Variants in HSF5 observed in about 807,000 individuals in gnomAD.
HSF5 encodes heat shock factor protein 5.
In HSF5, 5 loss-of-function variants were observed where a neutral mutation model predicts 50.8. The ratio of observed to expected loss-of-function variants is 0.10; its 90% CI spans 0.05 to 0.21. The LOEUF is 0.21. Ranked by LOEUF, HSF5 falls within the 10% of genes least tolerant of loss-of-function variation. The pLI is 1.00. For missense variants in HSF5, 564 were observed against 762.6 expected, an observed-to-expected ratio of 0.74 and a Z score of 3.07; for synonymous variants, 307 against 307.4, an observed-to-expected ratio of 1.00 and a Z score of 0.02.
intron 5 of HSF5, among the ~76,000 whole-genome samples, chr17:58,430,298 C>G (rs1974346179): frequency 6.6e-6 from 1 of 152,140 alleles, no homozygotes; most frequent in African/African-American, 2.4e-5. Context: ...TCTTGAACTC[C>G]TGACCTCAGA....
chr17:58,467,544 C>T (rs1974884466), intron 2 of HSF5, among the ~76,000 whole-genome samples: 1 of 152,238 alleles, frequency 6.6e-6, no homozygotes, highest in African/African-American at 2.4e-5. Context: ...CCTGGCTTTA[C>T]AGCCCAGTGT....
In HSF5 at chr17:58,452,087, A is replaced by C. The variant is rs572191320; in HGVS notation, c.1720+6681T>G. The stretch of plus-strand genomic sequence containing the variant: ...CTAGCAAGACCCTGTCTCTACAAAA[A>C]AAAATTTTTAAATTAGCCAAGCATG... On this transcript the variant is annotated intron_variant, in intron 5 of 5. Coordinates refer to ENST00000323777, the MANE Select transcript of HSF5 (RefSeq NM_001080439.3). Among the ~76,000 whole-genome samples the C allele has an allele frequency of 2.6e-5, 4 of 152,008 alleles. No homozygotes were observed. The South Asian group carries it at 8.3e-4, about 32-fold the overall frequency.
chr17:58,487,322 A>G (rs1289849758), intron 1 of HSF5, among the ~76,000 whole-genome samples: 1 of 152,176 alleles, frequency 6.6e-6, no homozygotes, highest in Non-Finnish European at 1.5e-5. Flanking sequence ...TCCAGACCCA[A>G]TGTTTCAACG....
At chr17:58,436,983 G>A (rs537182540) in intron 5 of HSF5, among the ~76,000 whole-genome samples, 5 of 152,074 alleles carry the variant, frequency 3.3e-5, no homozygotes, top group South Asian at 2.1e-4. Context: ...CCATTTTTGC[G>A]GTATTCTAAA....
Position 58,458,935 on chromosome 17 carries a change from T to C in HSF5, c.1553A>G (p.Asn518Ser). 3 of 1,608,882 alleles carry C rather than the reference T, an allele frequency of 1.9e-6. No individual in the cohort carries two copies. The highest frequency in any genetic ancestry group is 4.5e-5 in the East Asian group (2 of 44,856). Residue 518 changes from asparagine to serine, a missense_variant, in exon 5 of 6, where the codon AAC (asparagine) becomes AGC (serine). This residue lies in a region of HSF5 where 441 missense variants were observed against 533.6 expected (regional missense o/e 0.83). Coordinates refer to ENST00000323777, the MANE Select transcript of HSF5 (RefSeq NM_001080439.3). ...PPFSTHQVDA[N>S]IKCQTSSREN... Reference sequence around the variant, plus strand: ...ACGTGAACTGGTCTGGCATTTTATGTTGGCATCCACCTAAAATATTAAACC... The same window carrying C: ...ACGTGAACTGGTCTGGCATTTTATGCTGGCATCCACCTAAAATATTAAACC...
In HSF5 at chr17:58,479,980, G is replaced by C; in HGVS notation, c.838C>G (p.Gln280Glu). 3 of 1,614,150 alleles carry C rather than the reference G, an allele frequency of 1.9e-6. No individual in the cohort carries two copies. The highest frequency in any genetic ancestry group is 2.5e-6 in the Non-Finnish European group (3 of 1,179,994). The change falls in exon 2 of 6, where the codon CAA becomes GAA. Residue 280 changes from glutamine to glutamate, a missense_variant. Gln to Glu is a conservative substitution (Grantham distance 29). This residue lies in a region of HSF5 where 441 missense variants were observed against 533.6 expected (regional missense o/e 0.83). Coordinates refer to ENST00000323777, the MANE Select transcript of HSF5 (RefSeq NM_001080439.3). ...QPSTTSVHVQQGPQTMVSSSQ... is the reference protein window; with the variant it reads ...QPSTTSVHVQEGPQTMVSSSQ... Reference sequence around the variant, plus strand: ...GAGCTGACCATTGTTTGAGGACCTTGTTGAACATGTACAGATGTGGTGCTG... The same window carrying C: ...GAGCTGACCATTGTTTGAGGACCTTCTTGAACATGTACAGATGTGGTGCTG...
At chr17:58,445,118 A>G (rs957833039) in intron 5 of HSF5, among the ~76,000 whole-genome samples, 2 of 152,190 alleles carry the variant, frequency 1.3e-5, no homozygotes, top group Non-Finnish European at 2.9e-5. Flanking sequence ...ATAAATGTTG[A>G]TGGGGATGTG....
At chr17:58,482,226 A>T (rs1402813723) in intron 1 of HSF5, among the ~76,000 whole-genome samples, 1 of 152,204 alleles carries the variant, frequency 6.6e-6, no homozygotes, top group African/African-American at 2.4e-5. Flanking sequence ...GGGGGAAAAA[A>T]TCCTACTTCA....
chr17:58,453,522 A>C (rs1282775828), intron 5 of HSF5, among the ~76,000 whole-genome samples: 6 of 151,810 alleles, frequency 4.0e-5, no homozygotes. Context: ...TGAACCTAGG[A>C]GGCAGAGGTT....
At chr17:58,485,780 A>AC in intron 1 of HSF5, among the ~76,000 whole-genome samples, 1 of 149,716 alleles carries the variant, frequency 6.7e-6, no homozygotes, top group Middle Eastern at 3.7e-3. Context: ...TCTATAAAAT[A>AC]ATTTGGCCAT....
At chr17:58,452,917 C>T (rs568264132) in intron 5 of HSF5, among the ~76,000 whole-genome samples, 22 of 152,256 alleles carry the variant, frequency 1.4e-4, no homozygotes, top group African/African-American at 4.8e-4. Context: ...TGCCTGTGGT[C>T]CCAGCTACTC....
intron 2 of HSF5, among the ~76,000 whole-genome samples, chr17:58,468,417 T>C (rs570586443): frequency 6.6e-6 from 1 of 152,218 alleles, no homozygotes; most frequent in African/African-American, 2.4e-5. Context: ...TTTACATATA[T>C]ATATATCTCA....
At chr17:58,472,942 T>C (rs1974968834) in intron 2 of HSF5, among the ~76,000 whole-genome samples, 2 of 152,232 alleles carry the variant, frequency 1.3e-5, no homozygotes, top group East Asian at 3.9e-4. Context: ...TTGTCCACCC[T>C]ATCTGGGAAG....
intron 1 of HSF5, among the ~76,000 whole-genome samples, chr17:58,485,877 G>C (rs1266972974): frequency 1.2e-4 from 18 of 151,988 alleles, no homozygotes; most frequent in African/African-American, 4.1e-4. Flanking sequence ...AACCAGCCTG[G>C]CCAACATGGT....
chr17:58,475,332 G>A (rs1268049206), intron 2 of HSF5, among the ~76,000 whole-genome samples: 1 of 152,170 alleles, frequency 6.6e-6, no homozygotes, highest in Non-Finnish European at 1.5e-5. Context: ...AAAGCAGCTT[G>A]TCCACTTTTA....
At chr17:58,476,696 T>C (rs933455445) in intron 2 of HSF5, 4 of 1,584,558 alleles carry the variant, frequency 2.5e-6, no homozygotes, top group South Asian at 2.2e-5. Flanking sequence ...TTGACAAATG[T>C]TGTTATCCAA....
chr17:58,438,118 T>A (rs1051346822), intron 5 of HSF5, among the ~76,000 whole-genome samples: 17 of 151,558 alleles, frequency 1.1e-4, no homozygotes, highest in African/African-American at 4.1e-4. Context: ...AAAAAAAAAA[T>A]AATTGGTTGA....
intron 5 of HSF5, among the ~76,000 whole-genome samples, chr17:58,457,263 A>G (rs74452007): frequency 6.6e-6 from 1 of 150,504 alleles, no homozygotes; most frequent in African/African-American, 2.4e-5. Context: ...CTGTCTCAGA[A>G]AAAAAAAATA....
chr17:58,451,920 C>A (rs1598189645), intron 5 of HSF5, among the ~76,000 whole-genome samples: 2 of 122,952 alleles, frequency 1.6e-5, no homozygotes, highest in Admixed American at 8.6e-5. Context: ...AAAAGGTAAG[C>A]AAACTAAACA....
Sources: gnomAD v4.1 joint callset for allele counts (sites outside exome capture counted in the v4.1 genomes callset) on GRCh38, gnomAD v4.1.1 for gene constraint, gnomAD v4.1.1 regional missense constraint, MANE v1.5 for transcripts, NCBI Gene and HGNC (gene_info 2026-07-23, HGNC 2026-07-21) for gene names.